The following DBX2 variants were observed in gnomAD, a reference collection of about 807,000 sequenced individuals.
The protein encoded by DBX2 is homeobox protein DBX2.
Under a neutral mutation model 17.7 loss-of-function variants are expected in DBX2, and 16 were observed. That is an observed-to-expected ratio of 0.90 (90% CI 0.61 to 1.37). The LOEUF is 1.37. Ranked by LOEUF, DBX2 falls within the 40% of genes most tolerant of loss-of-function variation. The pLI is 0.00. For synonymous variants in DBX2, 255 were observed against 183.8 expected, an observed-to-expected ratio of 1.39 and a Z score of -3.13; for missense variants, 538 against 433.8, an observed-to-expected ratio of 1.24 and a Z score of -2.13.
intron 1 of DBX2, among the ~76,000 whole-genome samples, chr12:45,039,957 CACA>C (rs1946462708): frequency 6.6e-6 from 1 of 152,058 alleles, no homozygotes; most frequent in South Asian, 2.1e-4. Context: ...GTTGTATTAA[CACA>C]ACATCTCGAG....
Position 45,050,749 on chromosome 12 carries a change from TG to T in DBX2, c.178del (p.His60ThrfsTer24). The T allele has an allele frequency of 6.7e-7, 1 of 1,492,582 alleles. No homozygotes were observed. The highest frequency in any genetic ancestry group is 1.3e-5 in the South Asian group (1 of 78,092). 92.5% of individuals were successfully genotyped at this position (1,492,582 alleles called of 1,614,324 possible). On this transcript the variant is annotated frameshift_variant, in exon 1 of 4. Coordinates refer to ENST00000332700, the MANE Select transcript of DBX2 (RefSeq NM_001004329.3). LOFTEE classifies it high-confidence loss of function. The part of the protein sequence containing the change: ...PTPRLQPPAP[H>X]DPATALATAG... ...GGTGGCCAGGGCGGTCGCCGGGTCG[TG>T]GGGCGCGGGCGGCTGCAGCCTGGGC...
chr12:45,023,331 GAATT>G (rs1293942240), intron 3 of DBX2, among the ~76,000 whole-genome samples: 6 of 152,106 alleles, frequency 3.9e-5, no homozygotes, highest in African/African-American at 7.2e-5. Context: ...ACTTTTTGAA[GAATT>G]ATTTACCTGT....
At chr12:45,045,115 C>A (rs940017837) in intron 1 of DBX2, among the ~76,000 whole-genome samples, 21 of 152,044 alleles carry the variant, frequency 1.4e-4, no homozygotes, top group African/African-American at 5.1e-4. Flanking sequence ...AGATAAAAAT[C>A]ATATTGTTTC....
rs1946324856 is a variant in DBX2, at chr12:45,016,550, G to C, written c.756C>G (p.Asn252Lys). 4 of 1,585,656 alleles carry C rather than the reference G, an allele frequency of 2.5e-6. No individual in the cohort carries two copies. Among genetic ancestry groups the C allele is most frequent in the African/African-American group, 1.4e-5 (1 of 73,704 alleles). ...RNSKEKEVLS[N>K]RCIQEVGLQE... Reference sequence around the variant, plus strand: ...GAAGACCTACTTCTTGGATACACCTGTTGGAAAGCACTTCCTTTTCTTTGG... The same window carrying C: ...GAAGACCTACTTCTTGGATACACCTCTTGGAAAGCACTTCCTTTTCTTTGG... Residue 252 changes from asparagine (N) to lysine (K), a missense_variant, in exon 4 of 4, where the codon AAC (asparagine) becomes AAG (lysine). Coordinates refer to ENST00000332700, the MANE Select transcript of DBX2 (RefSeq NM_001004329.3).
At position 45,050,883 on chromosome 12, in the gene DBX2, G is replaced by A; in HGVS notation, c.45C>T (p.Asp15=). The A allele has an allele frequency of 2.6e-6, 4 of 1,526,100 alleles. No homozygotes were observed. Among genetic ancestry groups the A allele is most frequent in the African/African-American group, 1.4e-5 (1 of 70,186 alleles). 94.5% of individuals were successfully genotyped at this position (1,526,100 alleles called of 1,614,324 possible). A position where few individuals can be genotyped will look rare whatever the true frequency, so the allele number is the denominator to read the frequency against. Residue 15 remains aspartate (D), a synonymous_variant, in exon 1 of 4, where the codon GAC becomes GAT. Coordinates refer to ENST00000332700, the MANE Select transcript of DBX2 (RefSeq NM_001004329.3). Reference sequence around the variant, plus strand: ...TGAGGAGCGCGGAGGAAGCCACAACGTCCCAGTACGCACCGGCGTGGGCTG... The same window carrying A: ...TGAGGAGCGCGGAGGAAGCCACAACATCCCAGTACGCACCGGCGTGGGCTG... The part of the protein sequence containing the change: ...AVAAHAGAYW[D]VVASSALLNL...
Position 45,050,882 on chromosome 12 carries a change from C to A in DBX2, c.46G>T (p.Val16Phe). The A allele has an allele frequency of 1.3e-6, 2 of 1,525,960 alleles. No homozygotes were observed. Among genetic ancestry groups the A allele is most frequent in the Non-Finnish European group, 1.8e-6 (2 of 1,139,552 alleles). 94.5% of individuals were successfully genotyped at this position (1,525,960 alleles called of 1,614,324 possible). The change falls in exon 1 of 4, where the codon GTT (valine) becomes TTT (phenylalanine). Residue 16 changes from valine to phenylalanine, a missense_variant. By Grantham distance (50) the Val-to-Phe change is conservative. Transcript: ENST00000332700. ...VAAHAGAYWDVVASSALLNLP... is the reference protein window; with the variant it reads ...VAAHAGAYWDFVASSALLNLP... ...TTGAGGAGCGCGGAGGAAGCCACAA[C>A]GTCCCAGTACGCACCGGCGTGGGCT...
chr12:45,035,552 C>G (rs1358420386), intron 2 of DBX2, among the ~76,000 whole-genome samples: 1 of 151,988 alleles, frequency 6.6e-6, no homozygotes. Flanking sequence ...CTTCAAGATG[C>G]CAAAAAGGAG....
At chr12:45,020,675 G>GTATATATATGTATA (rs1555141166) in intron 3 of DBX2, among the ~76,000 whole-genome samples, 32 of 146,012 alleles carry the variant, frequency 2.2e-4, no homozygotes, top group African/African-American at 7.8e-4. Context: ...GTATATATAT[G>GTATATATATGTATA]TATATATATA....
intron 2 of DBX2, among the ~76,000 whole-genome samples, chr12:45,027,865 T>C (rs1332884305): frequency 1.3e-5 from 2 of 152,204 alleles, no homozygotes; most frequent in Non-Finnish European, 2.9e-5. Flanking sequence ...AAAGATGAAT[T>C]CAATCCATCC....
chr12:45,043,703 C>T (rs1946483952), intron 1 of DBX2, among the ~76,000 whole-genome samples: 1 of 152,192 alleles, frequency 6.6e-6, no homozygotes, highest in South Asian at 2.1e-4. Context: ...GCCCAGTCAG[C>T]CCACAAAACT....
chr12:45,023,481 G>C (rs1391407964), intron 3 of DBX2, among the ~76,000 whole-genome samples: 2 of 152,146 alleles, frequency 1.3e-5, no homozygotes, highest in African/African-American at 4.8e-5. Context: ...AATAGGAAAT[G>C]GGACATACAT....
At chr12:45,032,868 ACTTT>A (rs2137025337) in intron 2 of DBX2, among the ~76,000 whole-genome samples, 1 of 152,350 alleles carries the variant, frequency 6.6e-6, no homozygotes, top group Admixed American at 6.5e-5. Flanking sequence ...AGATTCCTAC[ACTTT>A]AAGTAATTTT....
intron 1 of DBX2, 51 bp downstream of exon 1, chr12:45,050,474 C>A (rs1252324853): frequency 1.3e-6 from 2 of 1,538,524 alleles, no homozygotes; most frequent in African/African-American, 1.4e-5. Flanking sequence ...CCTGGACCAC[C>A]CGGCCTGGGG....
chr12:45,023,579 A>G, intron 3 of DBX2, 128 bp downstream of exon 3: 1 of 1,095,552 alleles, frequency 9.1e-7, no homozygotes, highest in Admixed American at 2.3e-5. Flanking sequence ...TTGCTAAATA[A>G]ATGGATTCCA....
chr12:45,017,850 G>C (rs12818196), intron 3 of DBX2, among the ~76,000 whole-genome samples: 11,388 of 152,112 alleles, frequency 0.075, 550 homozygotes, highest in Admixed American at 0.12. Flanking sequence ...CAATTTAGTT[G>C]ATTTCTATTT....
At chr12:45,037,078 C>T (rs1281628003) in intron 1 of DBX2, among the ~76,000 whole-genome samples, 1 of 152,090 alleles carries the variant, frequency 6.6e-6, no homozygotes, top group Non-Finnish European at 1.5e-5. Flanking sequence ...ATTATTTTGA[C>T]TATAAAACCA....
chr12:45,021,406 T>G (rs893577789), intron 3 of DBX2, among the ~76,000 whole-genome samples: 1 of 152,226 alleles, frequency 6.6e-6, no homozygotes, highest in Admixed American at 6.5e-5. Flanking sequence ...TTTTTATATA[T>G]GGCTGTGGCA....
At chr12:45,029,913 A>AATAAATAAAAAT (rs375465229) in intron 2 of DBX2, among the ~76,000 whole-genome samples, 1 of 144,740 alleles carries the variant, frequency 6.9e-6, no homozygotes, top group African/African-American at 2.6e-5. Flanking sequence ...TAAATAAATA[A>AATAAATAAAAAT]AAATAAAGAA....
intron 1 of DBX2, among the ~76,000 whole-genome samples, chr12:45,041,296 G>C (rs1946470157): frequency 6.6e-6 from 1 of 151,616 alleles, no homozygotes; most frequent in Admixed American, 6.6e-5. Context: ...TCACATGCCA[G>C]GTACGTGGCC....
Sources: gnomAD v4.1 joint callset for allele counts (sites outside exome capture counted in the v4.1 genomes callset) on GRCh38, gnomAD v4.1.1 for gene constraint, MANE v1.5 for transcripts, NCBI Gene and HGNC (gene_info 2026-07-23, HGNC 2026-07-21) for gene names.